The following LNX2 variants were observed in gnomAD, a reference collection of about 807,000 sequenced individuals.
LNX2 encodes ligand of Numb protein X 2.
In LNX2, 35 loss-of-function variants were observed where a neutral mutation model predicts 66.2. The ratio of observed to expected loss-of-function variants is 0.53; its 90% CI spans 0.40 to 0.70. LNX2 has a LOEUF of 0.70. LNX2 is among the 30% of genes least tolerant of loss of function. The probability of loss-of-function intolerance (pLI) is 0.00; values close to 1 mark genes in which losing one functional copy is unlikely to be tolerated. For synonymous variants in LNX2, 337 were observed against 315.6 expected (o/e 1.07, Z -0.72); for missense variants, 791 against 850.8 (o/e 0.93, Z 0.87).
At position 27,567,789 on chromosome 13, in the gene LNX2, T is replaced by C. The variant is rs746376722; in HGVS notation, c.706A>G (p.Ile236Val). ...TGAATGTAAGGATTGGACCGATGAA[T>C]TTCAATCGTGGTGATTTCTCCTTCT... The part of the protein sequence containing the change: ...LPEGEITTIE[I>V]HRSNPYIQLG... The change falls in exon 4 of 10, where the codon ATT becomes GTT. Residue 236 changes from isoleucine to valine, a missense_variant. By Grantham distance (29) the Ile-to-Val change is conservative (BLOSUM62 3). Transcript: ENST00000316334. The C allele has an allele frequency of 1.9e-6, 3 of 1,614,084 alleles. No homozygotes were observed. The highest frequency in any genetic ancestry group is 2.5e-6 in the Non-Finnish European group (3 of 1,179,992).
rs377685122 is a variant in LNX2, at chr13:27,569,099, C to T, written c.585G>A (p.Ala195=). 117 of 1,613,214 alleles carry T rather than the reference C, an allele frequency of 7.3e-5. No homozygotes were observed. The highest frequency in any genetic ancestry group is 8.8e-5 in the Non-Finnish European group (104 of 1,179,730). ...AVPVERHLTS[A]SLSTWSEEPG... ...GCTCCTCACTCCATGTGGAAAGAGACGCTGATGTCAAGTGCCGCTCCACAG... is the reference window on the plus strand; with the variant it reads ...GCTCCTCACTCCATGTGGAAAGAGATGCTGATGTCAAGTGCCGCTCCACAG... The change falls in exon 3 of 10, where the codon GCG becomes GCA. Residue 195 remains alanine, a synonymous_variant. Coordinates refer to ENST00000316334, the MANE Select transcript of LNX2 (RefSeq NM_153371.4).
At chr13:27,565,101 C>A (rs943403300) in intron 4 of LNX2, among the ~76,000 whole-genome samples, 2 of 152,088 alleles carry the variant, frequency 1.3e-5, no homozygotes, top group African/African-American at 4.8e-5. Context: ...AGTAATAATG[C>A]AGTGGAATTT....
At chr13:27,564,514 G>C (rs897893398) in intron 4 of LNX2, among the ~76,000 whole-genome samples, 2 of 152,010 alleles carry the variant, frequency 1.3e-5, no homozygotes, top group Non-Finnish European at 1.5e-5. Context: ...ATTTATAATA[G>C]CAGTATTTTT....
intron 1 of LNX2, among the ~76,000 whole-genome samples, chr13:27,602,688 C>T (rs1955671921): frequency 6.6e-6 from 1 of 152,050 alleles, no homozygotes; most frequent in Admixed American, 6.6e-5. Flanking sequence ...TGGGTAAATA[C>T]CTAAGAGTAG....
chr13:27,596,383 A>C (rs1252933432), intron 1 of LNX2, among the ~76,000 whole-genome samples: 1 of 152,218 alleles, frequency 6.6e-6, no homozygotes, highest in Non-Finnish European at 1.5e-5. Context: ...TACAGTATTA[A>C]ATTACAATTG....
At chr13:27,591,744 C>G (rs1037800444) in intron 1 of LNX2, among the ~76,000 whole-genome samples, 4 of 152,074 alleles carry the variant, frequency 2.6e-5, no homozygotes, top group Admixed American at 2.0e-4. Context: ...GGATAGACAA[C>G]ATATAAGAAG....
intron 1 of LNX2, among the ~76,000 whole-genome samples, chr13:27,603,219 A>G (rs1249036892): frequency 6.6e-6 from 1 of 152,206 alleles, no homozygotes; most frequent in African/African-American, 2.4e-5. Context: ...AAATTGAAAG[A>G]TATTTGTTAA....
chr13:27,619,145 T>A (rs1044674466), intron 1 of LNX2, among the ~76,000 whole-genome samples: 1 of 152,196 alleles, frequency 6.6e-6, no homozygotes, highest in East Asian at 1.9e-4. Context: ...GAATTAAAAG[T>A]GATGTTATTC....
chr13:27,556,730 T>C (rs1008528122), intron 6 of LNX2, among the ~76,000 whole-genome samples: 3 of 152,218 alleles, frequency 2.0e-5, no homozygotes, highest in African/African-American at 4.8e-5. Flanking sequence ...TTCACAAAAG[T>C]AAATGATGCT....
chr13:27,587,831 C>T (rs1247131315), intron 1 of LNX2, among the ~76,000 whole-genome samples: 1 of 152,072 alleles, frequency 6.6e-6, no homozygotes, highest in East Asian at 1.9e-4. Context: ...ACCATCCTGG[C>T]TAACACAGTG....
chr13:27,557,908 A>G (rs1279496112), intron 6 of LNX2, among the ~76,000 whole-genome samples: 3 of 152,102 alleles, frequency 2.0e-5, no homozygotes, highest in Non-Finnish European at 4.4e-5. Flanking sequence ...AAGACAACTC[A>G]GGTAAACTCA....
intron 1 of LNX2, among the ~76,000 whole-genome samples, chr13:27,582,920 T>C (rs984499275): frequency 6.6e-6 from 1 of 152,058 alleles, no homozygotes; most frequent in Non-Finnish European, 1.5e-5. Context: ...CTCAGCACTA[T>C]GGGAAAAATG....
intron 1 of LNX2, among the ~76,000 whole-genome samples, chr13:27,589,572 T>G (rs1955526674): frequency 1.3e-5 from 2 of 152,220 alleles, no homozygotes; most frequent in East Asian, 3.9e-4. Context: ...TTAAACCCCC[T>G]TCACCTTTAG....
chr13:27,578,048 T>C (rs1264028958), intron 2 of LNX2, among the ~76,000 whole-genome samples: 1 of 152,230 alleles, frequency 6.6e-6, no homozygotes, highest in Non-Finnish European at 1.5e-5. Flanking sequence ...CAGTTAAAAA[T>C]AGCAGTTTTA....
chr13:27,586,387 C>CT (rs1202604536), intron 1 of LNX2, among the ~76,000 whole-genome samples: 20 of 152,186 alleles, frequency 1.3e-4, no homozygotes, highest in African/African-American at 4.8e-4. Flanking sequence ...CCTCACTTCT[C>CT]TAAGCCCCAA....
intron 9 of LNX2, among the ~76,000 whole-genome samples, chr13:27,549,575 A>G (rs187626369): frequency 3.0e-4 from 46 of 152,314 alleles, no homozygotes; most frequent in Admixed American, 8.5e-4. Context: ...ATTGTGGGCA[A>G]GTTTCTTAAC....
In LNX2 at chr13:27,583,213, T is replaced by TGCGCGC. The variant is rs1212996912; in HGVS notation, c.-100-1411_-100-1410insGCGCGC. 5.6e-4 allele frequency among the ~76,000 whole-genome samples: 13 copies of TGCGCGC among 23,254 alleles called. 1 individual carries two copies. Among genetic ancestry groups the TGCGCGC allele is most frequent in the Middle Eastern group, 0.022 (1 of 46 alleles). The allele number at this position is 23,254 out of a possible 152,430, so 15.3% of individuals were successfully genotyped here. On this transcript the variant is annotated intron_variant, in intron 1 of 9. Coordinates refer to ENST00000316334, the MANE Select transcript of LNX2 (RefSeq NM_153371.4). ...GTGTGTGTGTGTGTGTGTGTGTGTG[T>TGCGCGC]GTGTGTGTGTGTGTGTGTGTGTGTG...
At chr13:27,593,980 A>C (rs1207498088) in intron 1 of LNX2, among the ~76,000 whole-genome samples, 1 of 151,550 alleles carries the variant, frequency 6.6e-6, no homozygotes. Flanking sequence ...CCTTTATACA[A>C]ACCCCAAAAA....
Position 27,564,351 on chromosome 13 carries a change from T to TTTTTGAGCTAAATGTA in LNX2, c.856-1586_856-1571dup, listed in dbSNP as rs542306212. Reference sequence around the variant, plus strand: ...AACATCAGCATAGCAAACTATCTCATTTTTGAGCTAAATGTATTTTTTTAT... The same window carrying TTTTTGAGCTAAATGTA: ...AACATCAGCATAGCAAACTATCTCATTTTTGAGCTAAATGTATTTTGAGCTAAATGTATTTTTTTAT... On this transcript the variant is annotated intron_variant, in intron 4 of 9. Coordinates refer to ENST00000316334, the MANE Select transcript of LNX2 (RefSeq NM_153371.4). Among the ~76,000 whole-genome samples the TTTTTGAGCTAAATGTA allele has an allele frequency of 2.7e-3, 383 of 142,438 alleles. 1 individual carries two copies. Among genetic ancestry groups the TTTTTGAGCTAAATGTA allele is most frequent in the African/African-American group, 9.8e-3 (366 of 37,282 alleles). 93.4% of individuals were successfully genotyped at this position (142,438 alleles called of 152,430 possible).
Sources: gnomAD v4.1 joint callset for allele counts (sites outside exome capture counted in the v4.1 genomes callset) on GRCh38, gnomAD v4.1.1 for gene constraint, MANE v1.5 for transcripts, NCBI Gene and HGNC (gene_info 2026-07-23, HGNC 2026-07-21) for gene names.